The following NEK1 variants were observed in gnomAD, a reference collection of about 807,000 sequenced individuals.
The protein encoded by NEK1 is serine/threonine-protein kinase Nek1.
In NEK1, 137 loss-of-function variants were observed where a neutral mutation model predicts 182.1. That is an observed-to-expected ratio of 0.75 (90% CI 0.65 to 0.87). NEK1 has a LOEUF of 0.87. Ranked by LOEUF, NEK1 falls within the 40% of genes least tolerant of loss-of-function variation. NEK1 has a pLI of 0.00. For synonymous variants in NEK1, 513 were observed against 492.2 expected (o/e 1.04, Z -0.56); for missense variants, 1,391 against 1,494.4 (o/e 0.93, Z 1.14).
chr4:169,599,358 G>A (rs1366080427), intron 4 of NEK1, among the ~76,000 whole-genome samples, 161 bp from the exon 5 acceptor site: 1 of 152,152 alleles, frequency 6.6e-6, no homozygotes, highest in Non-Finnish European at 1.5e-5. Context: ...CGGTCACAAA[G>A]ATTGTATAAT....
intron 31 of NEK1, among the ~76,000 whole-genome samples, chr4:169,419,584 A>G (rs1735125451): frequency 6.6e-6 from 1 of 152,234 alleles, no homozygotes; most frequent in East Asian, 1.9e-4. Context: ...ATACCCGACA[A>G]CAATACCACG....
intron 19 of NEK1, among the ~76,000 whole-genome samples, chr4:169,514,625 ATCTCT>A (rs1348153414): frequency 1.3e-5 from 2 of 152,202 alleles, no homozygotes; most frequent in African/African-American, 4.8e-5. Flanking sequence ...GGATTGGTTC[ATCTCT>A]TCTAAGTTGT....
chr4:169,408,204 C>T (rs1732972307), intron 31 of NEK1, among the ~76,000 whole-genome samples: 1 of 152,028 alleles, frequency 6.6e-6, no homozygotes, highest in Non-Finnish European at 1.5e-5. Context: ...AAATTCTGGC[C>T]CTGGTAAAAT....
At chr4:169,597,418 A>T (rs1277983611) in intron 5 of NEK1, among the ~76,000 whole-genome samples, 1 of 152,128 alleles carries the variant, frequency 6.6e-6, no homozygotes, top group Non-Finnish European at 1.5e-5. Flanking sequence ...GTTTGAGAAC[A>T]GCCTGGGCAA....
Position 169,508,766 on chromosome 4 carries a change from T to G in NEK1, c.1749+3A>C, listed in dbSNP as rs1334736106. 6.4e-7 allele frequency: 1 copy of G among 1,569,320 alleles called. No homozygotes were observed. Among genetic ancestry groups the G allele is most frequent in the African/African-American group, 1.3e-5 (1 of 74,508 alleles). ...GGAGGTAGCGAACATGCGGGAAGCATACCTCTTCCTCTTTGTTTCTTGGCT... is the reference window on the plus strand; with the variant it reads ...GGAGGTAGCGAACATGCGGGAAGCAGACCTCTTCCTCTTTGTTTCTTGGCT... On this transcript the variant is annotated splice_donor_region_variant and intron_variant, in intron 20 of 35. Coordinates refer to ENST00000507142, the MANE Select transcript of NEK1 (RefSeq NM_001199397.3).
intron 5 of NEK1, 29 bp downstream of exon 5, chr4:169,599,071 A>T: frequency 6.5e-7 from 1 of 1,537,298 alleles, no homozygotes; most frequent in Non-Finnish European, 9.0e-7. Flanking sequence ...ATAATAGAGT[A>T]AGAGTCAATT....
intron 12 of NEK1, among the ~76,000 whole-genome samples, chr4:169,570,340 CA>C (rs1256355633): frequency 3.9e-4 from 60 of 152,022 alleles, no homozygotes; most frequent in African/African-American, 1.4e-3. Flanking sequence ...GCCCGGCAGC[CA>C]CCCCGTCCGG....
chr4:169,464,794 GAA>G (rs1280966929), intron 26 of NEK1, among the ~76,000 whole-genome samples: 1 of 151,956 alleles, frequency 6.6e-6, no homozygotes, highest in Non-Finnish European at 1.5e-5. Flanking sequence ...AAAAAGCAGA[GAA>G]AAGTATTTCT....
intron 31 of NEK1, among the ~76,000 whole-genome samples, chr4:169,414,995 T>C (rs998712239): frequency 6.6e-6 from 1 of 152,194 alleles, no homozygotes; most frequent in African/African-American, 2.4e-5. Flanking sequence ...AGGTTATCAA[T>C]TGTATCACCG....
At chr4:169,470,544 C>G (rs915227485) in intron 26 of NEK1, among the ~76,000 whole-genome samples, 1 of 152,140 alleles carries the variant, frequency 6.6e-6, no homozygotes, top group Non-Finnish European at 1.5e-5. Context: ...CTTTGGCTGC[C>G]CTTAACATTT....
rs1753740195 is a variant in NEK1 at position 169,508,844 on chromosome 4, C to T, written c.1674G>A (p.Leu558=). ...KARAEGHMGI[L]QNLAAMYGGR... is the part of the protein sequence containing the mutation. Reference sequence around the variant, plus strand: ...CTCCATACATAGCTGCCAGGTTTTGCAGGATTCCCTGTTTATCATTTAATG... The same window carrying T: ...CTCCATACATAGCTGCCAGGTTTTGTAGGATTCCCTGTTTATCATTTAATG... Residue 558 remains leucine (L), a synonymous_variant, in exon 20 of 36, where the codon CTG becomes CTA. Coordinates refer to ENST00000507142, the MANE Select transcript of NEK1 (RefSeq NM_001199397.3). The T allele has an allele frequency of 6.3e-7, 1 of 1,589,302 alleles. No homozygotes were observed. Among genetic ancestry groups the T allele is most frequent in the African/African-American group, 1.3e-5 (1 of 74,926 alleles).
At chr4:169,570,521 C>G (rs1293612900) in intron 12 of NEK1, among the ~76,000 whole-genome samples, 1 of 150,596 alleles carries the variant, frequency 6.6e-6, no homozygotes, top group Non-Finnish European at 1.5e-5. Flanking sequence ...GTCAGCCCCC[C>G]GCCCGGCCAG....
intron 11 of NEK1, among the ~76,000 whole-genome samples, chr4:169,577,347 G>A (rs1482125187): frequency 1.3e-5 from 2 of 151,828 alleles, no homozygotes; most frequent in Admixed American, 1.3e-4. Flanking sequence ...AATTGACTGT[G>A]AGTGATGGTT....
intron 23 of NEK1, among the ~76,000 whole-genome samples, chr4:169,495,461 C>A (rs1751052831): frequency 6.6e-6 from 1 of 152,006 alleles, no homozygotes. Context: ...CCAGGATGGT[C>A]TCGATCTCCT....
chr4:169,457,821 A>C (rs1323827048), intron 27 of NEK1, among the ~76,000 whole-genome samples: 1 of 151,942 alleles, frequency 6.6e-6, no homozygotes, highest in Non-Finnish European at 1.5e-5. Flanking sequence ...GGATAAAAAA[A>C]GACTCCTAAA....
chr4:169,507,000 A>T, intron 23 of NEK1, 37 bp downstream of exon 23: 2 of 1,419,334 alleles, frequency 1.4e-6, no homozygotes, highest in Non-Finnish European at 1.9e-6. Context: ...TAAAAATGTT[A>T]ATACAACCAG....
At chr4:169,453,899 G>A (rs981952138) in intron 27 of NEK1, among the ~76,000 whole-genome samples, 3 of 152,056 alleles carry the variant, frequency 2.0e-5, no homozygotes, top group African/African-American at 7.2e-5. Context: ...GTGCGGCTGG[G>A]TTAGGGTCTC....
At chr4:169,543,331 T>A (rs566844996) in intron 18 of NEK1, among the ~76,000 whole-genome samples, 3 of 152,308 alleles carry the variant, frequency 2.0e-5, no homozygotes, top group South Asian at 2.1e-4. Context: ...CTCTGTTCTG[T>A]TCCATTGGTC....
At chr4:169,490,354 T>C (rs1237717580) in intron 23 of NEK1, among the ~76,000 whole-genome samples, 2 of 151,970 alleles carry the variant, frequency 1.3e-5, no homozygotes, top group Non-Finnish European at 2.9e-5. Flanking sequence ...CAAAAGCAAC[T>C]CTATAGATTT....
Sources: gnomAD v4.1 joint callset for allele counts (sites outside exome capture counted in the v4.1 genomes callset) on GRCh38, gnomAD v4.1.1 for gene constraint, MANE v1.5 for transcripts, NCBI Gene and HGNC (gene_info 2026-07-23, HGNC 2026-07-21) for gene names.